NCOA2: variants seen among roughly 807,000 people sequenced by gnomAD.
NCOA2 encodes nuclear receptor coactivator 2, also known as class E basic helix-loop-helix protein 75.
Under a neutral mutation model 145.1 loss-of-function variants are expected in NCOA2, and 21 were observed. The observed-to-expected ratio is 0.14, with a 90% CI of 0.10 to 0.21. The LOEUF is 0.21. Ranked by LOEUF, NCOA2 falls within the 10% of genes least tolerant of loss-of-function variation. The pLI is 1.00. For synonymous variants in NCOA2, 619 were observed against 637.5 expected, an observed-to-expected ratio of 0.97 and a Z score of 0.44; for missense variants, 1,472 against 1,837.6, an observed-to-expected ratio of 0.80 and a Z score of 3.64.
At chr8:70,214,488 T>A (rs547199057) in intron 3 of NCOA2, among the ~76,000 whole-genome samples, 1 of 152,286 alleles carries the variant, frequency 6.6e-6, no homozygotes, top group East Asian at 1.9e-4. Context: ...ACCCAGTTAA[T>A]AACAGGAATA....
the NCOA2 span, among the ~76,000 whole-genome samples, chr8:70,433,644 A>T: frequency 6.6e-6 from 1 of 152,220 alleles, no homozygotes; most frequent in African/African-American, 2.4e-5. Flanking sequence ...TTTTCTAGAC[A>T]GAAGTGATAA....
At chr8:70,262,026 A>AGT (rs1365177235) in intron 2 of NCOA2, among the ~76,000 whole-genome samples, 3 of 152,058 alleles carry the variant, frequency 2.0e-5, no homozygotes, top group African/African-American at 7.2e-5. Flanking sequence ...TTAAAACTTC[A>AGT]GTATATATAG....
At chr8:70,455,707 C>T in the NCOA2 span, among the ~76,000 whole-genome samples, 8 of 148,318 alleles carry the variant, frequency 5.4e-5, no homozygotes, top group African/African-American at 9.9e-5. Flanking sequence ...TGAAAAGGAT[C>T]TCAGATGTTT....
intron 1 of NCOA2, among the ~76,000 whole-genome samples, chr8:70,363,251 C>A (rs1319961394): frequency 6.6e-6 from 1 of 151,428 alleles, no homozygotes; most frequent in South Asian, 2.1e-4. Flanking sequence ...GACGTGGTGG[C>A]GGGCGCCTGT....
chr8:70,423,022 G>A, the NCOA2 span, among the ~76,000 whole-genome samples: 1 of 152,042 alleles, frequency 6.6e-6, no homozygotes, highest in Non-Finnish European at 1.5e-5. Flanking sequence ...GCTATATAAT[G>A]TTCAGTCATA....
chr8:70,456,411 G>A, the NCOA2 span, among the ~76,000 whole-genome samples: 1 of 152,194 alleles, frequency 6.6e-6, no homozygotes, highest in Non-Finnish European at 1.5e-5. Flanking sequence ...CACTGGTCAA[G>A]CGCCGGACGT....
At chr8:70,285,789 C>T (rs145387988) in intron 2 of NCOA2, among the ~76,000 whole-genome samples, 31 of 152,244 alleles carry the variant, frequency 2.0e-4, no homozygotes, top group Non-Finnish European at 4.3e-4. Context: ...AAAATGCTAC[C>T]GGTTGGATGG....
intron 1 of NCOA2, among the ~76,000 whole-genome samples, chr8:70,309,391 C>T (rs1828132182): frequency 6.7e-6 from 1 of 150,308 alleles, no homozygotes; most frequent in African/African-American, 2.4e-5. Context: ...AGAAACATCT[C>T]GGGCAGACAA....
At chr8:70,452,291 T>C in the NCOA2 span, among the ~76,000 whole-genome samples, 2 of 152,178 alleles carry the variant, frequency 1.3e-5, no homozygotes. Flanking sequence ...ATAATTGTAA[T>C]AGTCAGTTCT....
intron 2 of NCOA2, among the ~76,000 whole-genome samples, chr8:70,285,395 CT>C (rs1426154394): frequency 6.6e-6 from 1 of 152,156 alleles, no homozygotes. Context: ...AGTCATTTTC[CT>C]ACCTTTTGGC....
intron 1 of NCOA2, among the ~76,000 whole-genome samples, chr8:70,352,348 C>T (rs906063690): frequency 2.6e-5 from 4 of 152,058 alleles, no homozygotes; most frequent in South Asian, 2.1e-4. Context: ...AAAATTGGAA[C>T]GCAGTTCTTT....
intron 1 of NCOA2, among the ~76,000 whole-genome samples, chr8:70,363,104 C>T (rs1251249355): frequency 1.5e-5 from 2 of 137,364 alleles, no homozygotes; most frequent in Admixed American, 1.4e-4. Context: ...AAAAAAAAGG[C>T]CTGGCACGGT....
At position 70,329,981 on chromosome 8, in the gene NCOA2, T is replaced by C. The variant is rs894212029; in HGVS notation, c.-76-33181A>G. 2.6e-5 allele frequency among the ~76,000 whole-genome samples: 4 copies of C among 152,310 alleles called. No homozygotes were observed. The East Asian group carries it at 5.8e-4, about 22-fold the overall frequency. ...CAGGAGAGGGAACCTTCTGGAGTGATATAAATATCCTGTTTTCATCTGGGT... is the reference window on the plus strand; with the variant it reads ...CAGGAGAGGGAACCTTCTGGAGTGACATAAATATCCTGTTTTCATCTGGGT... On this transcript the variant is annotated intron_variant, in intron 1 of 22. Transcript: ENST00000452400.
At chr8:70,217,161 G>T (rs1386046472) in intron 2 of NCOA2, among the ~76,000 whole-genome samples, 7 of 152,170 alleles carry the variant, frequency 4.6e-5, no homozygotes, top group Admixed American at 4.6e-4. Flanking sequence ...CTCTGTTTTG[G>T]GTTAGCCAAT....
At chr8:70,194,523 A>G (rs746733813) in intron 4 of NCOA2, among the ~76,000 whole-genome samples, 1 of 152,186 alleles carries the variant, frequency 6.6e-6, no homozygotes, top group Non-Finnish European at 1.5e-5. Context: ...ACAACAGAAC[A>G]TTCACTCTGA....
At chr8:70,165,572 T>C (rs1446547891) in intron 7 of NCOA2, among the ~76,000 whole-genome samples, 1 of 152,124 alleles carries the variant, frequency 6.6e-6, no homozygotes, top group East Asian at 1.9e-4. Context: ...TGTATTAGAG[T>C]GACACTCAGC....
At chr8:70,252,852 T>C (rs1405420360) in intron 2 of NCOA2, among the ~76,000 whole-genome samples, 2 of 152,242 alleles carry the variant, frequency 1.3e-5, no homozygotes, top group Non-Finnish European at 2.9e-5. Flanking sequence ...TAATTATTCA[T>C]CTATTCCAAA....
At chr8:70,224,525 AAC>A (rs1237583875) in intron 2 of NCOA2, among the ~76,000 whole-genome samples, 2 of 152,128 alleles carry the variant, frequency 1.3e-5, no homozygotes, top group Non-Finnish European at 2.9e-5. Flanking sequence ...GGGCAATAAA[AAC>A]AGTGTCTACT....
At position 70,329,489 on chromosome 8, in the gene NCOA2, A is replaced by G. The variant is rs139828969; in HGVS notation, c.-76-32689T>C. Among the ~76,000 whole-genome samples the G allele has an allele frequency of 3.3e-3, 508 of 151,934 alleles. 1 individual carries two copies. The highest frequency in any genetic ancestry group is 5.6e-3 in the Non-Finnish European group (380 of 67,942). On this transcript the variant is annotated intron_variant, in intron 1 of 22. Transcript: ENST00000452400. ...CTCCAGGCCTCAAGTCATCCTCCCAACTGGACCTCCCAAAATGCTAGCATT... is the reference window on the plus strand; with the variant it reads ...CTCCAGGCCTCAAGTCATCCTCCCAGCTGGACCTCCCAAAATGCTAGCATT...
Sources: allele counts gnomAD v4.1 joint callset (sites outside exome capture counted in the v4.1 genomes callset), GRCh38; gene constraint gnomAD v4.1.1; transcripts MANE v1.5; gene names NCBI Gene and HGNC (gene_info 2026-07-23, HGNC 2026-07-21).